Variants in ADCY9 observed in about 807,000 individuals in gnomAD.
ADCY9 encodes adenylate cyclase 9.
Under a neutral mutation model 101.5 loss-of-function variants are expected in ADCY9, and 50 were observed. The observed-to-expected ratio is 0.49, with a 90% confidence interval of 0.39 to 0.62. The LOEUF (loss-of-function observed/expected upper bound fraction) is 0.62, where lower values mean the gene tolerates loss of function less well. Among genes scored for constraint, ADCY9 ranks in the 20% least tolerant of loss-of-function variants. The probability of loss-of-function intolerance (pLI) is 0.00; values close to 1 mark genes in which losing one functional copy is unlikely to be tolerated. For missense variants in ADCY9, 1,662 were observed against 1,800.4 expected, an observed-to-expected ratio of 0.92 and a Z score of 1.39; for synonymous variants, 905 against 769.3, an observed-to-expected ratio of 1.18 and a Z score of -2.92.
At chr16:4,060,969 TAAAGG>T (rs2056770350) in intron 2 of ADCY9, among the ~76,000 whole-genome samples, 1 of 151,954 alleles carries the variant, frequency 6.6e-6, no homozygotes, top group Non-Finnish European at 1.5e-5. Flanking sequence ...TTTAAAGAAC[TAAAGG>T]AAAGTATGTA....
chr16:4,028,480 A>T (rs943784222), intron 2 of ADCY9, among the ~76,000 whole-genome samples: 1 of 152,220 alleles, frequency 6.6e-6, no homozygotes, highest in African/African-American at 2.4e-5. Flanking sequence ...ACAATAAGCT[A>T]ATTGAGAAGT....
At chr16:4,009,601 ATT>A (rs964975044) in intron 2 of ADCY9, among the ~76,000 whole-genome samples, 1 of 152,090 alleles carries the variant, frequency 6.6e-6, no homozygotes, top group African/African-American at 2.4e-5. Flanking sequence ...ACTTTTGTGC[ATT>A]TTTTTCTCCA....
chr16:3,979,502 G>A (rs999496156), intron 7 of ADCY9, among the ~76,000 whole-genome samples: 7 of 152,240 alleles, frequency 4.6e-5, no homozygotes, highest in African/African-American at 9.6e-5. Context: ...CACATGTTGC[G>A]TTGTGATAAA....
At position 3,966,981 on chromosome 16, in the gene ADCY9, C is replaced by G; in HGVS notation, c.2871-15G>C. ...TCCTCTCGGAACTGGAGAGCAAAGA[C>G]ACGGGAAAGGGAGAGGTTACTGCTC... On this transcript the variant is annotated splice_polypyrimidine_tract_variant and intron_variant, in intron 10 of 10. Transcript: ENST00000294016. 3 of 1,599,412 alleles carry G rather than the reference C, an allele frequency of 1.9e-6. No homozygotes were observed. Among genetic ancestry groups the G allele is most frequent in the Non-Finnish European group, 2.6e-6 (3 of 1,171,330 alleles).
intron 2 of ADCY9, among the ~76,000 whole-genome samples, chr16:4,099,490 A>G (rs150010243): frequency 2.8e-3 from 434 of 152,352 alleles, no homozygotes; most frequent in African/African-American, 0.01. Context: ...GAATAAACAT[A>G]TCAGACAAAC....
chr16:4,010,354 G>A (rs1429327677), intron 2 of ADCY9, among the ~76,000 whole-genome samples: 7 of 152,244 alleles, frequency 4.6e-5, no homozygotes, highest in African/African-American at 1.2e-4. Flanking sequence ...GCTGGAGCAC[G>A]ACGGGACAGC....
rs191062595 is a variant in ADCY9 at position 4,056,066 on chromosome 16, G to A, written c.1694-48508C>T. On this transcript the variant is annotated intron_variant, in intron 2 of 10. Transcript: ENST00000294016. ...ACACACATGCAGGGAGCTCCCAGCC[G>A]GTGTTGTGCGATACAGAACCCGAAA... is the stretch of plus-strand genomic sequence containing the variant. 8.2e-4 allele frequency among the ~76,000 whole-genome samples: 125 copies of A among 152,236 alleles called. 1 individual carries two copies. The highest frequency in any genetic ancestry group is 2.6e-3 in the African/African-American group (109 of 41,548).
At chr16:4,027,390 G>C (rs1052291723) in intron 2 of ADCY9, among the ~76,000 whole-genome samples, 7 of 152,342 alleles carry the variant, frequency 4.6e-5, no homozygotes, top group Non-Finnish European at 1.0e-4. Flanking sequence ...GTATTAGTCT[G>C]TTTTCACACT....
Position 4,115,022 on chromosome 16 carries a change from T to G in ADCY9, c.421A>C (p.Arg141=), listed in dbSNP as rs757275533. The change falls in exon 2 of 11, where the codon AGA becomes CGA. Residue 141 remains arginine (R), a synonymous_variant. Coordinates refer to ENST00000294016, the MANE Select transcript of ADCY9 (RefSeq NM_001116.4). This position sits in a 1 kb window ranked among gnomAD's most constrained non-coding sequence, Gnocchi z 6.2. The part of the protein sequence containing the change: ...SIYFAVHMRS[R]LIVMVAPALC... The stretch of plus-strand genomic sequence containing the variant: ...GCGGGGGCGACCATGACGATCAGTC[T>G]GGATCTCATGTGGACCGCAAAATAG... 1 of 1,614,088 alleles carries G rather than the reference T, an allele frequency of 6.2e-7. No individual in the cohort carries two copies. The highest frequency in any genetic ancestry group is 1.1e-5 in the South Asian group (1 of 91,092).
At position 3,965,647 on chromosome 16, in the gene ADCY9, G is replaced by T; in HGVS notation, c.*128C>A. On this transcript the variant is annotated 3_prime_UTR_variant, in exon 11 of 11. Coordinates refer to ENST00000294016, the MANE Select transcript of ADCY9 (RefSeq NM_001116.4). ...TAACTGTGATCCACACAGAAGTTAG[G>T]GCTGAAATGACCACATAACACCACG... is the stretch of plus-strand genomic sequence containing the variant. 1 of 782,548 alleles carries T rather than the reference G, an allele frequency of 1.3e-6. No homozygotes were observed. The highest frequency in any genetic ancestry group is 2.0e-6 in the Non-Finnish European group (1 of 494,632). 48.5% of individuals were successfully genotyped at this position (782,548 alleles called of 1,614,324 possible).
chr16:4,041,326 C>T (rs907160374), intron 2 of ADCY9, among the ~76,000 whole-genome samples: 3 of 151,980 alleles, frequency 2.0e-5, no homozygotes, highest in Non-Finnish European at 2.9e-5. Flanking sequence ...AATATGGTGA[C>T]ACCTCCGTCT....
chr16:4,083,888 C>T (rs2056920934), intron 2 of ADCY9, among the ~76,000 whole-genome samples: 1 of 152,110 alleles, frequency 6.6e-6, no homozygotes, highest in Non-Finnish European at 1.5e-5. Flanking sequence ...TGCCGGGCTT[C>T]TCTGTCGAGT....
At chr16:4,060,529 A>C (rs2056768362) in intron 2 of ADCY9, among the ~76,000 whole-genome samples, 1 of 152,206 alleles carries the variant, frequency 6.6e-6, no homozygotes, top group Non-Finnish European at 1.5e-5. Flanking sequence ...TTAGTAGCTC[A>C]AGGTGTTTCA....
chr16:3,989,342 T>C (rs1321568974), intron 5 of ADCY9, among the ~76,000 whole-genome samples: 1 of 125,820 alleles, frequency 7.9e-6, no homozygotes, highest in African/African-American at 2.5e-5. Flanking sequence ...CCATCCACCA[T>C]GATTATAGCA....
chr16:3,999,128 T>C (rs1353674852), intron 3 of ADCY9, among the ~76,000 whole-genome samples: 1 of 152,100 alleles, frequency 6.6e-6, no homozygotes, highest in African/African-American at 2.4e-5. Flanking sequence ...AAGCCCTCCC[T>C]GGGAAGAGTA....
chr16:4,060,238 G>A (rs745942517), intron 2 of ADCY9, among the ~76,000 whole-genome samples: 3 of 152,170 alleles, frequency 2.0e-5, no homozygotes, highest in Non-Finnish European at 2.9e-5. Context: ...AAACCTAGCC[G>A]GAAGATACAG....
intron 9 of ADCY9, 31 bp downstream of exon 9, chr16:3,977,451 C>G (rs755257131): frequency 6.5e-7 from 1 of 1,541,522 alleles, no homozygotes; most frequent in South Asian, 1.2e-5. Context: ...GCCACGCACC[C>G]TGGTGCCCGC....
At chr16:4,099,946 C>G (rs956197638) in intron 2 of ADCY9, among the ~76,000 whole-genome samples, 2 of 152,166 alleles carry the variant, frequency 1.3e-5, no homozygotes, top group Non-Finnish European at 2.9e-5. Context: ...CACAGGGAGG[C>G]TGAGGTACGA....
intron 2 of ADCY9, among the ~76,000 whole-genome samples, chr16:4,015,341 C>G (rs1460461780): frequency 2.0e-5 from 3 of 152,098 alleles, no homozygotes; most frequent in Non-Finnish European, 4.4e-5. Context: ...CCACACACTT[C>G]AGAGACCTTC....
Sources: gnomAD v4.1 joint callset for allele counts (sites outside exome capture counted in the v4.1 genomes callset) on GRCh38, gnomAD v4.1.1 for gene constraint, Gnocchi (gnomAD v3.1) non-coding constraint, MANE v1.5 for transcripts, NCBI Gene and HGNC (gene_info 2026-07-23, HGNC 2026-07-21) for gene names.